The following RBFOX3 variants were observed in gnomAD, a reference collection of about 807,000 sequenced individuals.
RBFOX3 encodes the protein RNA binding fox-1 homolog 3.
Under a neutral mutation model 48.7 loss-of-function variants are expected in RBFOX3, and 17 were observed. The observed-to-expected ratio is 0.35, with a 90% confidence interval of 0.24 to 0.52. The LOEUF is 0.52. Ranked by LOEUF, RBFOX3 falls within the 20% of genes least tolerant of loss-of-function variation. RBFOX3 has a pLI of 0.94. For synonymous variants in RBFOX3, 212 were observed against 209.5 expected (o/e 1.01, Z -0.10); for missense variants, 382 against 497.5 (o/e 0.77, Z 2.21).
At chr17:79,256,416 C>T (rs983716709) in intron 3 of RBFOX3, among the ~76,000 whole-genome samples, 4 of 152,194 alleles carry the variant, frequency 2.6e-5, no homozygotes, top group Non-Finnish European at 5.9e-5. Context: ...GAGGATGGCA[C>T]CACGCCACTC....
At chr17:79,576,903 T>TTGTA (rs2092881314) in intron 1 of RBFOX3, among the ~76,000 whole-genome samples, 1 of 152,124 alleles carries the variant, frequency 6.6e-6, no homozygotes, top group South Asian at 2.1e-4. Context: ...TCCCAGACAC[T>TTGTA]TGTAGTCCCC....
chr17:79,598,340 A>C (rs1169420969), intron 1 of RBFOX3: 1 of 152,188 alleles, frequency 6.6e-6, no homozygotes, highest in African/African-American at 2.4e-5. Flanking sequence ...GCTCATGCAC[A>C]TGCACACACA....
chr17:79,172,152 C>T (rs1342999913), intron 4 of RBFOX3, among the ~76,000 whole-genome samples: 8 of 121,632 alleles, frequency 6.6e-5, no homozygotes, highest in Non-Finnish European at 1.3e-4. Context: ...CCAGCCTGGG[C>T]GACAGAGTGA....
chr17:79,478,566 C>A (rs1443347883), intron 2 of RBFOX3, among the ~76,000 whole-genome samples: 1 of 152,218 alleles, frequency 6.6e-6, no homozygotes, highest in Non-Finnish European at 1.5e-5. Context: ...AGACAACCGG[C>A]CACATTCCTT....
At chr17:79,474,337 A>G (rs1024896390) in intron 2 of RBFOX3, among the ~76,000 whole-genome samples, 7 of 152,180 alleles carry the variant, frequency 4.6e-5, no homozygotes, top group African/African-American at 1.7e-4. Flanking sequence ...CTCTGTGACG[A>G]TGCAGTCACA....
intron 3 of RBFOX3, among the ~76,000 whole-genome samples, chr17:79,280,842 G>GC (rs1567969707): frequency 1.2e-4 from 3 of 24,802 alleles, no homozygotes. Flanking sequence ...GTCCCATTGT[G>GC]GGGGGGGGGA....
chr17:79,301,079 G>A (rs572718923), intron 3 of RBFOX3, among the ~76,000 whole-genome samples: 3 of 152,264 alleles, frequency 2.0e-5, no homozygotes, highest in East Asian at 1.9e-4. Context: ...ACTGCACCTC[G>A]GCAGTTTTAA....
At chr17:79,643,107 A>G in the RBFOX3 span, among the ~76,000 whole-genome samples, 4 of 152,178 alleles carry the variant, frequency 2.6e-5, no homozygotes, top group Non-Finnish European at 5.9e-5. Context: ...GTCTCTAAAA[A>G]ACAAAAGGCT....
chr17:79,620,942 G>A, the RBFOX3 span, among the ~76,000 whole-genome samples: 1 of 151,994 alleles, frequency 6.6e-6, no homozygotes, highest in Non-Finnish European at 1.5e-5. Context: ...CCGTTCCTGG[G>A]GACATCCAGA....
chr17:79,177,213 C>CG (rs1442399987), intron 4 of RBFOX3, among the ~76,000 whole-genome samples: 3 of 152,114 alleles, frequency 2.0e-5, no homozygotes, highest in African/African-American at 4.8e-5. Flanking sequence ...CTCCTCTCCC[C>CG]CCCCGCCCTC....
At chr17:79,543,617 G>A (rs2090014479) in intron 1 of RBFOX3, among the ~76,000 whole-genome samples, 1 of 152,142 alleles carries the variant, frequency 6.6e-6, no homozygotes, top group Non-Finnish European at 1.5e-5. Context: ...CGAGGAAAAG[G>A]AATAAACAAA....
At chr17:79,173,829 T>C (rs369049735) in intron 4 of RBFOX3, among the ~76,000 whole-genome samples, 1 of 150,768 alleles carries the variant, frequency 6.6e-6, no homozygotes, top group African/African-American at 2.4e-5. Flanking sequence ...CCTATCGGAA[T>C]GGACTCTCCA....
chr17:79,414,259 T>C (rs2064945569), intron 2 of RBFOX3, among the ~76,000 whole-genome samples: 2 of 151,892 alleles, frequency 1.3e-5, no homozygotes, highest in Admixed American at 1.3e-4. Flanking sequence ...GTAAAAAAAA[T>C]CACTGTAAAC....
intron 4 of RBFOX3, among the ~76,000 whole-genome samples, chr17:79,229,996 G>C (rs1406931773): frequency 6.6e-6 from 1 of 152,160 alleles, no homozygotes; most frequent in Non-Finnish European, 1.5e-5. Context: ...TAAAGGATTG[G>C]GTATGTCCGA....
At chr17:79,092,376 A>G (rs1394083480) in intron 14 of RBFOX3, 4 of 985,590 alleles carry the variant, frequency 4.1e-6, no homozygotes, top group Non-Finnish European at 4.8e-6. Context: ...CATACAGGAA[A>G]AACCAGGGTC....
chr17:79,094,838 C>T (rs1416365828), intron 13 of RBFOX3, among the ~76,000 whole-genome samples: 1 of 151,858 alleles, frequency 6.6e-6, no homozygotes, highest in Non-Finnish European at 1.5e-5. Flanking sequence ...TCATGGAGCT[C>T]GTCTGCAGGG....
At chr17:79,330,430 C>T (rs550749864) in intron 2 of RBFOX3, among the ~76,000 whole-genome samples, 69 of 148,260 alleles carry the variant, frequency 4.7e-4, no homozygotes, top group African/African-American at 1.5e-3. Flanking sequence ...TCCCCTCCAC[C>T]GAGCACAACG....
chr17:79,189,526 C>A (rs187555411), intron 4 of RBFOX3, among the ~76,000 whole-genome samples: 21 of 152,356 alleles, frequency 1.4e-4, no homozygotes, highest in African/African-American at 4.6e-4. Flanking sequence ...AATCACACCA[C>A]CGCTCCGTCT....
Position 79,118,450 on chromosome 17 carries a change from G to A in RBFOX3, c.-33-2702C>T, listed in dbSNP as rs191846336. Reference sequence around the variant, plus strand: ...GGGTGGATCCATGAGGGAGGAGGAGGGGGAAGGAGAGTCAGGGCACCCAGG... The same window carrying A: ...GGGTGGATCCATGAGGGAGGAGGAGAGGGAAGGAGAGTCAGGGCACCCAGG... On this transcript the variant is annotated intron_variant, in intron 4 of 14. Transcript: ENST00000693108. Among the ~76,000 whole-genome samples the A allele has an allele frequency of 4.0e-3, 614 of 152,216 alleles. 1 individual carries two copies. Among genetic ancestry groups the A allele is most frequent in the Non-Finnish European group, 6.9e-3 (466 of 68,008 alleles).
Sources: gnomAD v4.1 joint callset for allele counts (sites outside exome capture counted in the v4.1 genomes callset) on GRCh38, gnomAD v4.1.1 for gene constraint, MANE v1.5 for transcripts, NCBI Gene and HGNC (gene_info 2026-07-23, HGNC 2026-07-21) for gene names.